SETD3: variants seen among roughly 807,000 people sequenced by gnomAD.
SETD3 encodes the protein actin-histidine N-methyltransferase.
Under a neutral mutation model 63.0 loss-of-function variants are expected in SETD3, and 19 were observed. The observed-to-expected ratio is 0.30, with a 90% CI of 0.21 to 0.44. The LOEUF (loss-of-function observed/expected upper bound fraction) is 0.44. Ranked by LOEUF, SETD3 falls within the 20% of genes least tolerant of loss-of-function variation. SETD3 has a pLI of 1.00. For synonymous variants in SETD3, 286 were observed against 264.1 expected, an observed-to-expected ratio of 1.08 and a Z score of -0.80; for missense variants, 587 against 728.5, an observed-to-expected ratio of 0.81 and a Z score of 2.24.
intron 6 of SETD3, among the ~76,000 whole-genome samples, chr14:99,429,883 C>T (rs1893077935): frequency 6.6e-6 from 1 of 152,224 alleles, no homozygotes; most frequent in Middle Eastern, 3.2e-3. Flanking sequence ...ATTTTGGTCT[C>T]CTCAATTCCA....
chr14:99,428,281 T>C (rs778808654), intron 6 of SETD3, among the ~76,000 whole-genome samples: 6 of 152,136 alleles, frequency 3.9e-5, no homozygotes, highest in Non-Finnish European at 5.9e-5. Context: ...AACAAGGACT[T>C]TGTAGACACT....
At chr14:99,473,302 G>A (rs889446193) in intron 1 of SETD3, among the ~76,000 whole-genome samples, 3 of 152,202 alleles carry the variant, frequency 2.0e-5, no homozygotes, top group Non-Finnish European at 4.4e-5. Flanking sequence ...CAGTGGGAGC[G>A]GAGGTGGGGT....
chr14:99,398,597 G>GT lies in SETD3; in HGVS notation c.*81dup. ...TCTTCCTCTCTGCAGAAAGAAAAATGTTAACAAGGAAACACAGCGATGTGA... is the reference window on the plus strand; with the variant it reads ...TCTTCCTCTCTGCAGAAAGAAAAATGTTTAACAAGGAAACACAGCGATGTGA... On this transcript the variant is annotated 3_prime_UTR_variant, in exon 13 of 13. Coordinates refer to ENST00000331768, the MANE Select transcript of SETD3 (RefSeq NM_032233.3). The GT allele has an allele frequency of 3.0e-6, 4 of 1,312,488 alleles. No individual in the cohort carries two copies. The highest frequency in any genetic ancestry group is 4.2e-6 in the Non-Finnish European group (4 of 949,202). 81.3% of individuals were successfully genotyped at this position (1,312,488 alleles called of 1,614,324 possible).
In SETD3 at chr14:99,400,119, T is replaced by C; in HGVS notation, c.1318A>G (p.Thr440Ala). The change falls in exon 12 of 13, where the codon ACA becomes GCA. Residue 440 changes from threonine (T) to alanine (A), a missense_variant. Transcript: ENST00000331768. ...ATTACCTCAATAGTTGTTTTATATG[T>C]TTTTAAAAGAAGTGAGGCTCTATCT... ...LEDRASLLLKTYKTTIEEDKS... is the reference protein window; with the variant it reads ...LEDRASLLLKAYKTTIEEDKS... 6.2e-7 allele frequency: 1 copy of C among 1,611,592 alleles called. No individual in the cohort carries two copies. The highest frequency in any genetic ancestry group is 1.1e-5 in the South Asian group (1 of 90,452).
chr14:99,486,356 C>T, the SETD3 span, among the ~76,000 whole-genome samples: 1 of 152,156 alleles, frequency 6.6e-6, no homozygotes. Context: ...ACTGGGCAAA[C>T]GCTCGCCTTT....
At chr14:99,412,749 A>G in intron 8 of SETD3, 1 of 485,714 alleles carries the variant, frequency 2.1e-6, no homozygotes, top group Admixed American at 3.7e-5. Context: ...CCCAGTTTTC[A>G]GTATTAGTCA....
At chr14:99,479,588 A>T (rs1374253693) in intron 1 of SETD3, among the ~76,000 whole-genome samples, 1 of 152,196 alleles carries the variant, frequency 6.6e-6, no homozygotes, top group Non-Finnish European at 1.5e-5. Flanking sequence ...TCATTTCAAG[A>T]AGAAAAACGG....
intron 6 of SETD3, among the ~76,000 whole-genome samples, chr14:99,451,966 T>C (rs1894487953): frequency 1.3e-5 from 2 of 152,164 alleles, no homozygotes; most frequent in South Asian, 4.1e-4. Context: ...ACATACACTG[T>C]ATGTAGCATT....
At chr14:99,442,746 C>A (rs1007967020) in intron 6 of SETD3, among the ~76,000 whole-genome samples, 1 of 152,166 alleles carries the variant, frequency 6.6e-6, no homozygotes, top group African/African-American at 2.4e-5. Flanking sequence ...ACTGGTAAGG[C>A]CTCTGGTCAA....
At chr14:99,439,070 A>T (rs904007678) in intron 6 of SETD3, among the ~76,000 whole-genome samples, 4 of 152,256 alleles carry the variant, frequency 2.6e-5, no homozygotes, top group African/African-American at 9.6e-5. Context: ...CACGTATCAC[A>T]CAAAGAGAAC....
intron 8 of SETD3, among the ~76,000 whole-genome samples, chr14:99,409,335 G>A (rs531526460): frequency 6.4e-4 from 97 of 152,304 alleles, no homozygotes; most frequent in African/African-American, 2.1e-3. Flanking sequence ...ATAAAAGCAA[G>A]TGGAACTGAG....
chr14:99,399,741 A>AATTTTTTTT (rs1566869064), intron 12 of SETD3, among the ~76,000 whole-genome samples: 1 of 127,728 alleles, frequency 7.8e-6, no homozygotes. Context: ...CTTTCATTAA[A>AATTTTTTTT]TTTTTTTTTT....
At chr14:99,474,526 C>A (rs1895868727) in intron 1 of SETD3, among the ~76,000 whole-genome samples, 1 of 152,146 alleles carries the variant, frequency 6.6e-6, no homozygotes, top group South Asian at 2.1e-4. Flanking sequence ...TGATACAGAA[C>A]AATTTGGGCT....
intron 6 of SETD3, among the ~76,000 whole-genome samples, chr14:99,431,805 C>T (rs1345877109): frequency 6.6e-6 from 1 of 152,096 alleles, no homozygotes; most frequent in Non-Finnish European, 1.5e-5. Flanking sequence ...AGCGTCTAAA[C>T]CTAGAGCAAC....
chr14:99,420,719 C>T (rs1395322313), intron 6 of SETD3, among the ~76,000 whole-genome samples: 1 of 152,070 alleles, frequency 6.6e-6, no homozygotes, highest in Non-Finnish European at 1.5e-5. Context: ...TCTTTAAACA[C>T]ATTTGAGAAA....
At chr14:99,400,672 G>T (rs1340372851) in intron 11 of SETD3, among the ~76,000 whole-genome samples, 1 of 152,140 alleles carries the variant, frequency 6.6e-6, no homozygotes, top group African/African-American at 2.4e-5. Flanking sequence ...GATGTAAACG[G>T]TGAAAGGAAC....
chr14:99,419,585 C>T (rs1892467983), intron 6 of SETD3, among the ~76,000 whole-genome samples: 1 of 151,954 alleles, frequency 6.6e-6, no homozygotes, highest in Admixed American at 6.6e-5. Context: ...ACCATCCCGG[C>T]TAAAACGGTG....
intron 1 of SETD3, among the ~76,000 whole-genome samples, 158 bp downstream of exon 1, chr14:99,480,570 G>A (rs1425073982): frequency 6.6e-6 from 1 of 150,682 alleles, no homozygotes; most frequent in Non-Finnish European, 1.5e-5. Flanking sequence ...TTCAAGCCCC[G>A]GGGCCACAGC....
chr14:99,441,875 G>A (rs1034511207), intron 6 of SETD3, among the ~76,000 whole-genome samples: 1 of 152,200 alleles, frequency 6.6e-6, no homozygotes, highest in African/African-American at 2.4e-5. Flanking sequence ...CTACATTGAG[G>A]AGGTCAAGAG....
Sources: gnomAD v4.1 joint callset for allele counts (sites outside exome capture counted in the v4.1 genomes callset) on GRCh38, gnomAD v4.1.1 for gene constraint, MANE v1.5 for transcripts, NCBI Gene and HGNC (gene_info 2026-07-23, HGNC 2026-07-21) for gene names.